ZNF84: variants seen among roughly 807,000 people sequenced by gnomAD.
The protein encoded by ZNF84 is zinc finger protein 84.
A neutral mutation model predicts 14.8 loss-of-function variants in ZNF84; 12 were observed. That is an observed-to-expected ratio of 0.81 (90% confidence interval 0.52 to 1.31). The LOEUF is 1.31. Among genes scored for constraint, ZNF84 ranks in the 50% most tolerant of loss-of-function variants. The probability of loss-of-function intolerance (pLI) is 0.00; values close to 1 mark genes in which losing one functional copy is unlikely to be tolerated. For synonymous variants in ZNF84, 347 were observed against 291.1 expected, an observed-to-expected ratio of 1.19 and a Z score of -1.96; for missense variants, 859 against 878.6, an observed-to-expected ratio of 0.98 and a Z score of 0.28.
At chr12:133,047,784 AG>A in intron 2 of ZNF84, 170 bp from the exon 3 acceptor site, 1 of 621,212 alleles carries the variant, frequency 1.6e-6, no homozygotes, top group Non-Finnish European at 2.7e-6. Flanking sequence ...TATAAATGGA[AG>A]GATGGAAGAA....
chr12:133,058,777 T>C lies in ZNF84; in HGVS notation c.2062T>C (p.Cys688Arg). The part of the protein sequence containing the change: ...TGEKPYGCSE[C>R]RKAFSQKSQL... Reference sequence around the variant, plus strand: ...TGAGAAACCCTATGGATGCAGTGAATGTAGGAAGGCCTTCTCTCAGAAGTC... The same window carrying C: ...TGAGAAACCCTATGGATGCAGTGAACGTAGGAAGGCCTTCTCTCAGAAGTC... Residue 688 changes from cysteine to arginine, a missense_variant, in exon 5 of 5, where the codon TGT (cysteine) becomes CGT (arginine). By Grantham distance (180) the Cys-to-Arg change is radical (BLOSUM62 -3). Transcript: ENST00000539354. 3 of 1,614,082 alleles carry C rather than the reference T, an allele frequency of 1.9e-6. No homozygotes were observed. The highest frequency in any genetic ancestry group is 2.5e-6 in the Non-Finnish European group (3 of 1,179,974).
In ZNF84 at chr12:133,057,623, A is replaced by G; in HGVS notation, c.908A>G (p.Lys303Arg). 14 of 1,614,236 alleles carry G rather than the reference A, an allele frequency of 8.7e-6. No homozygotes were observed. Among genetic ancestry groups the G allele is most frequent in the Non-Finnish European group, 1.2e-5 (14 of 1,180,042 alleles). ...GAATGTGGGAAAGCCTTCTCCCGGA[A>G]GTCACATCTCATATCGCATTGGAGA... is the stretch of plus-strand genomic sequence containing the variant. The part of the protein sequence containing the change: ...CGECGKAFSR[K>R]SHLISHWRTH... Residue 303 changes from lysine (K) to arginine (R), a missense_variant, in exon 5 of 5, where the codon AAG (lysine) becomes AGG (arginine). Transcript: ENST00000539354.
intron 4 of ZNF84, among the ~76,000 whole-genome samples, chr12:133,055,202 A>G (rs1295191546): frequency 3.9e-4 from 59 of 152,262 alleles, no homozygotes; most frequent in African/African-American, 1.4e-3. Context: ...TTCCATGTCA[A>G]GTGCCTAGAA....
At chr12:133,056,001 T>A (rs1346891774) in intron 4 of ZNF84, among the ~76,000 whole-genome samples, 1 of 152,196 alleles carries the variant, frequency 6.6e-6, no homozygotes, top group Non-Finnish European at 1.5e-5. Flanking sequence ...CTCAGGCAGT[T>A]AAGGTGGGAG....
rs1202526426 is a variant in ZNF84, at chr12:133,057,855, T to C, written c.1140T>C (p.Cys380=). The C allele has an allele frequency of 3.1e-6, 5 of 1,613,334 alleles. No individual in the cohort carries two copies. The African/African-American group carries it at 6.7e-5, about 22-fold the overall frequency. ...TGTKPFGCSD[C]RKAFFEKSEL... ...CAAAACCCTTTGGATGTAGTGATTGTAGAAAAGCATTCTTTGAGAAGTCAG... is the reference window on the plus strand; with the variant it reads ...CAAAACCCTTTGGATGTAGTGATTGCAGAAAAGCATTCTTTGAGAAGTCAG... Residue 380 remains cysteine, a synonymous_variant, in exon 5 of 5, where the codon TGT becomes TGC. Coordinates refer to ENST00000539354, the MANE Select transcript of ZNF84 (RefSeq NM_001289971.2).
In ZNF84 at chr12:133,059,545, C is replaced by T. The variant is rs1289092473; in HGVS notation, c.*613C>T. 1 of 152,404 alleles carries T rather than the reference C, an allele frequency of 6.6e-6. No homozygotes were observed. Among genetic ancestry groups the T allele is most frequent in the African/African-American group, 2.4e-5 (1 of 41,446 alleles). The allele number at this position is 152,404 out of a possible 1,614,324, so 9.4% of individuals were successfully genotyped here. A position where few individuals can be genotyped will look rare whatever the true frequency, so the allele number is the denominator to read the frequency against. ...CAATTCTAAGTGGTTGACAGATGTT[C>T]ACTTTGAAGTGTGAAGTTTTAAAAA... On this transcript the variant is annotated 3_prime_UTR_variant, in exon 5 of 5. Coordinates refer to ENST00000539354, the MANE Select transcript of ZNF84 (RefSeq NM_001289971.2).
At position 133,063,056 on chromosome 12, in the gene ZNF84, G is replaced by A; in HGVS notation, c.*4124G>A. 1 of 698,420 alleles carries A rather than the reference G, an allele frequency of 1.4e-6. No homozygotes were observed. Among genetic ancestry groups the A allele is most frequent in the Non-Finnish European group, 2.6e-6 (1 of 381,806 alleles). The allele number at this position is 698,420 out of a possible 1,614,324, so 43.3% of individuals were successfully genotyped here. A position where few individuals can be genotyped will look rare whatever the true frequency, so the allele number is the denominator to read the frequency against. On this transcript the variant is annotated 3_prime_UTR_variant, in exon 5 of 5. Transcript: ENST00000539354. ...TGTCTGTGTAATTTTTGCATCACAA[G>A]CTATATTTAAATGTGGGTGCAGTGA...
rs1954197817 is a variant in ZNF84, at chr12:133,058,315, C to T, written c.1600C>T (p.Gln534Ter). 3.7e-6 allele frequency: 6 copies of T among 1,613,960 alleles called. No individual in the cohort carries two copies. Among genetic ancestry groups the T allele is most frequent in the Non-Finnish European group, 5.1e-6 (6 of 1,180,008 alleles). Residue 534 changes from glutamine to a stop codon, truncating the protein, a stop_gained, in exon 5 of 5, where the codon CAG (glutamine) becomes TAG (stop). Coordinates refer to ENST00000539354, the MANE Select transcript of ZNF84 (RefSeq NM_001289971.2). LOFTEE classifies it low-confidence loss of function (END_TRUNC). ...TCAGAAGTCACATCTCATATCACATCAGAGGACACATACAGGGGAGAAACC... is the reference window on the plus strand; with the variant it reads ...TCAGAAGTCACATCTCATATCACATTAGAGGACACATACAGGGGAGAAACC... ...FCQKSHLISH[Q>*]RTHTGEKPYE...
chr12:133,039,948 A>G (rs1953857574), intron 1 of ZNF84, among the ~76,000 whole-genome samples: 1 of 151,476 alleles, frequency 6.6e-6, no homozygotes, highest in African/African-American at 2.4e-5. Context: ...GGTTCAAGCA[A>G]CTCTTCTGCC....
chr12:133,058,602 C>G lies in ZNF84; in HGVS notation c.1887C>G (p.Cys629Trp), dbSNP rs1954204079. 2 of 1,613,984 alleles carry G rather than the reference C, an allele frequency of 1.2e-6. No individual in the cohort carries two copies. Among genetic ancestry groups the G allele is most frequent in the Non-Finnish European group, 1.7e-6 (2 of 1,180,018 alleles). The change falls in exon 5 of 5, where the codon TGC becomes TGG. Residue 629 changes from cysteine to tryptophan, a missense_variant. Cys to Trp is a radical substitution (Grantham distance 215, BLOSUM62 -2). Transcript: ENST00000539354. ...RTHTGEKPYE[C>W]NECRKAFREK... is the part of the protein sequence containing the mutation. The stretch of plus-strand genomic sequence containing the variant: ...ATACAGGAGAAAAACCTTATGAATG[C>G]AATGAATGTAGAAAAGCCTTCAGGG...
rs1043920229 is a variant in ZNF84, at chr12:133,049,640, C to T, written c.238+792C>T. The stretch of plus-strand genomic sequence containing the variant: ...GACTACAGGCACATGCCACCATGCC[C>T]GGCTAATTTTTTTTGTATTTTTAGT... On this transcript the variant is annotated intron_variant, in intron 4 of 4. Coordinates refer to ENST00000539354, the MANE Select transcript of ZNF84 (RefSeq NM_001289971.2). Among the ~76,000 whole-genome samples the T allele has an allele frequency of 1.1e-3, 164 of 152,026 alleles. 2 individuals carry two copies. Among genetic ancestry groups the T allele is most frequent in the African/African-American group, 3.8e-3 (159 of 41,464 alleles).
At chr12:133,038,276 T>C (rs912196341) in intron 1 of ZNF84, among the ~76,000 whole-genome samples, 43 of 85,174 alleles carry the variant, frequency 5.0e-4, no homozygotes, top group African/African-American at 1.6e-3. Context: ...ATGCTGACTC[T>C]TGCATATTTA....
chr12:133,038,425 G>A (rs1387517923), intron 1 of ZNF84, among the ~76,000 whole-genome samples: 3 of 150,262 alleles, frequency 2.0e-5, no homozygotes, highest in Non-Finnish European at 4.4e-5. Context: ...GCCCGGTGTG[G>A]TAGGGCATGC....
rs1312128439 is a variant in ZNF84, at chr12:133,058,646, A to G, written c.1931A>G (p.Asn644Ser). Residue 644 changes from asparagine to serine, a missense_variant, in exon 5 of 5, where the codon AAT becomes AGT. Transcript: ENST00000539354. ...TTCAGGGAGAAGTCAAGTCTCATCAATCATCAGAGAATACATACAGGAGAG... is the reference window on the plus strand; with the variant it reads ...TTCAGGGAGAAGTCAAGTCTCATCAGTCATCAGAGAATACATACAGGAGAG... ...KAFREKSSLI[N>S]HQRIHTGEKP... is the part of the protein sequence containing the mutation. The G allele has an allele frequency of 4.6e-5, 75 of 1,613,972 alleles. No homozygotes were observed. Among genetic ancestry groups the G allele is most frequent in the East Asian group, 2.5e-4 (11 of 44,872 alleles).
chr12:133,058,949 AGTC>A lies in ZNF84; in HGVS notation c.*18_*20del. ...AAATCCTAGGAATACAGTTAATAGT[AGTC>A]TTTGACAGATCATCTTGGACTTCAG... On this transcript the variant is annotated 3_prime_UTR_variant, in exon 5 of 5. Coordinates refer to ENST00000539354, the MANE Select transcript of ZNF84 (RefSeq NM_001289971.2). The A allele has an allele frequency of 1.3e-6, 2 of 1,550,300 alleles. No homozygotes were observed. The highest frequency in any genetic ancestry group is 8.7e-7 in the Non-Finnish European group (1 of 1,154,782).
intron 1 of ZNF84, chr12:133,038,948 C>T (rs1953837596): frequency 6.6e-6 from 1 of 152,084 alleles, no homozygotes; most frequent in Non-Finnish European, 1.5e-5. Context: ...TAAATATGAC[C>T]ATATGCTTCC....
In ZNF84 at chr12:133,058,679, T is replaced by C; in HGVS notation, c.1964T>C (p.Phe655Ser). 6.2e-7 allele frequency: 1 copy of C among 1,611,800 alleles called. No individual in the cohort carries two copies. The highest frequency in any genetic ancestry group is 8.5e-7 in the Non-Finnish European group (1 of 1,179,174). Residue 655 changes from phenylalanine (F) to serine (S), a missense_variant, in exon 5 of 5, where the codon TTT (phenylalanine) becomes TCT (serine). Phe to Ser is a radical substitution (Grantham distance 155). Coordinates refer to ENST00000539354, the MANE Select transcript of ZNF84 (RefSeq NM_001289971.2). The stretch of plus-strand genomic sequence containing the variant: ...AGAATACATACAGGAGAGAAGCCTT[T>C]TGAATGCAGTGAGTGTGGCAAAGCT... ...HQRIHTGEKP[F>S]ECSECGKAFS...
At chr12:133,047,259 T>A (rs1260477828) in intron 2 of ZNF84, among the ~76,000 whole-genome samples, 2 of 152,102 alleles carry the variant, frequency 1.3e-5, no homozygotes, top group African/African-American at 4.8e-5. Flanking sequence ...TTAATTTTTT[T>A]AACCCCTACA....
At chr12:133,045,224 A>G (rs977396203) in intron 2 of ZNF84, among the ~76,000 whole-genome samples, 17 of 152,154 alleles carry the variant, frequency 1.1e-4, no homozygotes, top group African/African-American at 4.1e-4. Context: ...TAATCCCAGC[A>G]CTTTGGGAGG....
Sources: gnomAD v4.1 joint callset for allele counts (sites outside exome capture counted in the v4.1 genomes callset) on GRCh38, gnomAD v4.1.1 for gene constraint, MANE v1.5 for transcripts, NCBI Gene and HGNC (gene_info 2026-07-23, HGNC 2026-07-21) for gene names.